ABTB2: variants seen among roughly 807,000 people sequenced by gnomAD.
The protein encoded by ABTB2 is ankyrin repeat and BTB domain containing 2, also known as ankyrin repeat and BTB/POZ domain-containing protein 2.
In ABTB2, 56 loss-of-function variants were observed where a neutral mutation model predicts 104.1. The ratio of observed to expected loss-of-function variants is 0.54; its 90% CI spans 0.43 to 0.67. The LOEUF (loss-of-function observed/expected upper bound fraction) is 0.67, where lower values mean the gene tolerates loss of function less well. ABTB2 is among the 30% of genes least tolerant of loss of function. ABTB2 has a pLI of 0.00. For missense variants in ABTB2, 1,279 were observed against 1,407.7 expected (o/e 0.91, Z 1.46); for synonymous variants, 606 against 608.2 (o/e 1.00, Z 0.05).
chr11:34,173,666 A>C (rs542145144), intron 3 of ABTB2, among the ~76,000 whole-genome samples: 1 of 152,298 alleles, frequency 6.6e-6, no homozygotes, highest in South Asian at 2.1e-4. Context: ...GGGAAGGAGC[A>C]GTTCCCCAGT....
chr11:34,346,666 T>C (rs1855336094), intron 1 of ABTB2, among the ~76,000 whole-genome samples: 1 of 152,120 alleles, frequency 6.6e-6, no homozygotes, highest in Non-Finnish European at 1.5e-5. Context: ...AGAAACACTA[T>C]CAGAGACAGA....
chr11:34,342,467 G>T (rs984134314), intron 1 of ABTB2, among the ~76,000 whole-genome samples: 2 of 152,232 alleles, frequency 1.3e-5, no homozygotes, highest in Non-Finnish European at 2.9e-5. Context: ...CCTGAGGACA[G>T]GAGGCCACAG....
At chr11:34,235,580 G>C (rs1021163216) in intron 1 of ABTB2, among the ~76,000 whole-genome samples, 4 of 152,142 alleles carry the variant, frequency 2.6e-5, no homozygotes, top group African/African-American at 9.7e-5. Context: ...CACAGGAAGG[G>C]GAGCGGGGGA....
chr11:34,265,415 C>A (rs1355849655), intron 1 of ABTB2, among the ~76,000 whole-genome samples: 11 of 151,244 alleles, frequency 7.3e-5, no homozygotes, highest in Admixed American at 2.0e-4. Context: ...AATCCCAGCA[C>A]TTTGGGAGGC....
chr11:34,178,663 G>A (rs1035832421), intron 3 of ABTB2, among the ~76,000 whole-genome samples: 5 of 152,172 alleles, frequency 3.3e-5, no homozygotes, highest in African/African-American at 9.7e-5. Flanking sequence ...AGACCGGGTC[G>A]GGGCTGAAAA....
chr11:34,294,998 G>A (rs117195256), intron 1 of ABTB2, among the ~76,000 whole-genome samples: 5,874 of 149,728 alleles, frequency 0.039, 189 homozygotes, highest in East Asian at 0.16. Context: ...ACAGGCATGA[G>A]CCACCACGCC....
chr11:34,294,740 G>C (rs1223994076), intron 1 of ABTB2, among the ~76,000 whole-genome samples: 4 of 149,442 alleles, frequency 2.7e-5, no homozygotes, highest in Admixed American at 6.6e-5. Context: ...TTTTGAGACC[G>C]AGTCTCATTC....
intron 1 of ABTB2, among the ~76,000 whole-genome samples, chr11:34,266,329 C>T (rs1257184782): frequency 1.3e-5 from 2 of 152,202 alleles, no homozygotes; most frequent in Non-Finnish European, 2.9e-5. Context: ...AAGCAATCTT[C>T]CTGCCTCAGC....
At position 34,285,375 on chromosome 11, in the gene ABTB2, C is replaced by T. The variant is rs181382111; in HGVS notation, c.883+71326G>A. Among the ~76,000 whole-genome samples, 294 of 152,214 alleles carry T rather than the reference C, an allele frequency of 1.9e-3. 1 individual carries two copies. Among genetic ancestry groups the T allele is most frequent in the Non-Finnish European group, 1.6e-3 (110 of 68,006 alleles). ...ATTATATAGCAGGACCTAGTGCGTG[C>T]TTTGCTCTGGCGGTAACCAGAGGAA... On this transcript the variant is annotated intron_variant, in intron 1 of 16. Transcript: ENST00000435224.
At chr11:34,172,130 T>C (rs967310196) in intron 4 of ABTB2, among the ~76,000 whole-genome samples, 5 of 151,884 alleles carry the variant, frequency 3.3e-5, no homozygotes, top group South Asian at 2.1e-4. Flanking sequence ...CCCAGCACTT[T>C]GGGAGGCCAA....
At chr11:34,221,964 G>C (rs968224077) in intron 1 of ABTB2, among the ~76,000 whole-genome samples, 6 of 152,180 alleles carry the variant, frequency 3.9e-5, no homozygotes, top group Non-Finnish European at 5.9e-5. Flanking sequence ...AGAATAGCTT[G>C]AACCTGGGAG....
At chr11:34,260,228 C>T (rs889007644) in intron 1 of ABTB2, among the ~76,000 whole-genome samples, 12 of 152,212 alleles carry the variant, frequency 7.9e-5, no homozygotes, top group Admixed American at 2.6e-4. Flanking sequence ...CGCTTGGAGG[C>T]TTCTCGCCAT....
intron 1 of ABTB2, among the ~76,000 whole-genome samples, chr11:34,214,018 TCC>T (rs1853518338): frequency 6.6e-6 from 1 of 152,058 alleles, no homozygotes; most frequent in Admixed American, 6.6e-5. Flanking sequence ...AAAAGAACAG[TCC>T]GCCACATGAC....
chr11:34,318,357 A>C (rs777738750), intron 1 of ABTB2, among the ~76,000 whole-genome samples: 3 of 152,012 alleles, frequency 2.0e-5, no homozygotes, highest in Non-Finnish European at 4.4e-5. Flanking sequence ...AGAACATGTG[A>C]TATTTGATTT....
intron 1 of ABTB2, among the ~76,000 whole-genome samples, chr11:34,274,642 A>C (rs1255879412): frequency 1.3e-5 from 2 of 151,808 alleles, no homozygotes; most frequent in South Asian, 4.2e-4. Context: ...GCTGGATAAC[A>C]TTAAAAAAGA....
At chr11:34,219,283 T>TATA (rs1853586949) in intron 1 of ABTB2, among the ~76,000 whole-genome samples, 1 of 152,180 alleles carries the variant, frequency 6.6e-6, no homozygotes, top group African/African-American at 2.4e-5. Flanking sequence ...CCAGGCATGG[T>TATA]GGCTCACACC....
In ABTB2 at chr11:34,356,362, G is replaced by A. The variant is rs1855464401; in HGVS notation, c.883+339C>T. On this transcript the variant is annotated intron_variant, in intron 1 of 16. Coordinates refer to ENST00000435224, the MANE Select transcript of ABTB2 (RefSeq NM_145804.3). This position sits in a 1 kb window ranked among gnomAD's most constrained non-coding sequence, Gnocchi z 4.6. ...AGCAGCTAGAGACCTAGTCAATCAC[G>A]GTAAAGAGCCACGGGGCAGTAAGTT... 1.3e-5 allele frequency among the ~76,000 whole-genome samples: 2 copies of A among 152,150 alleles called. No individual in the cohort carries two copies. Among genetic ancestry groups the A allele is most frequent in the Admixed American group, 6.5e-5 (1 of 15,278 alleles).
At chr11:34,274,158 C>CAAAAAAAAAAAA (rs763755237) in intron 1 of ABTB2, among the ~76,000 whole-genome samples, 11 of 50,746 alleles carry the variant, frequency 2.2e-4, no homozygotes, top group African/African-American at 7.1e-4. Flanking sequence ...GACTCCGTCT[C>CAAAAAAAAAAAA]AAAAAAAAAA....
chr11:34,339,080 C>T (rs1163896632), intron 1 of ABTB2, among the ~76,000 whole-genome samples: 3 of 152,110 alleles, frequency 2.0e-5, no homozygotes, highest in South Asian at 4.1e-4. Flanking sequence ...ATACATTTTG[C>T]TATTTTGTTT....
Sources: gnomAD v4.1 joint callset for allele counts (sites outside exome capture counted in the v4.1 genomes callset) on GRCh38, gnomAD v4.1.1 for gene constraint, Gnocchi (gnomAD v3.1) non-coding constraint, MANE v1.5 for transcripts, NCBI Gene and HGNC (gene_info 2026-07-23, HGNC 2026-07-21) for gene names.